Variants in MALRD1 observed in about 807,000 individuals in gnomAD.
The protein encoded by MALRD1 is MAM and LDL-receptor class A domain-containing protein 1.
MALRD1 carries 247 observed loss-of-function variants against 242.1 expected under a neutral mutation model. The observed-to-expected ratio is 1.02, with a 90% CI of 0.92 to 1.13. The LOEUF is 1.13. MALRD1 is among the 50% of genes most tolerant of loss of function. The pLI is 0.00. For missense variants in MALRD1, 2,989 were observed against 2,533.1 expected, an observed-to-expected ratio of 1.18 and a Z score of -3.86; for synonymous variants, 995 against 866.6, an observed-to-expected ratio of 1.15 and a Z score of -2.60.
At chr10:19,177,914 A>G (rs1377952309) in intron 14 of MALRD1, among the ~76,000 whole-genome samples, 1 of 152,062 alleles carries the variant, frequency 6.6e-6, no homozygotes, top group Non-Finnish European at 1.5e-5. Context: ...TTCAGGCAAG[A>G]TAAGCCAGAT....
chr10:19,623,853 C>T (rs1198022218), intron 36 of MALRD1, among the ~76,000 whole-genome samples: 1 of 151,998 alleles, frequency 6.6e-6, no homozygotes, highest in Non-Finnish European at 1.5e-5. Flanking sequence ...CTCACAGACA[C>T]TCAGAAATAA....
At chr10:19,319,621 A>T (rs1291280480) in intron 21 of MALRD1, among the ~76,000 whole-genome samples, 1 of 152,064 alleles carries the variant, frequency 6.6e-6, no homozygotes, top group African/African-American at 2.4e-5. Flanking sequence ...GGCTTGGATC[A>T]TGGTGCTGGC....
chr10:19,272,662 T>G (rs931831967), intron 19 of MALRD1, among the ~76,000 whole-genome samples: 30 of 152,264 alleles, frequency 2.0e-4, no homozygotes. Context: ...TAGGTATTTG[T>G]CCTAATGCTA....
intron 4 of MALRD1, among the ~76,000 whole-genome samples, chr10:19,103,102 G>A (rs1836327136): frequency 6.6e-6 from 1 of 151,932 alleles, no homozygotes; most frequent in Admixed American, 6.6e-5. Flanking sequence ...ACCTGCCTCA[G>A]CCTCCCAAAG....
chr10:19,613,329 G>A (rs931881899), intron 35 of MALRD1, among the ~76,000 whole-genome samples: 7 of 151,830 alleles, frequency 4.6e-5, no homozygotes, highest in African/African-American at 7.3e-5. Context: ...CTTCTACTTC[G>A]ATGCCCCTTA....
intron 13 of MALRD1, among the ~76,000 whole-genome samples, chr10:19,167,402 C>T (rs913393294): frequency 2.6e-5 from 4 of 151,910 alleles, no homozygotes; most frequent in South Asian, 2.1e-4. Flanking sequence ...GGGAAGTTAC[C>T]GAAGCCCTCT....
intron 34 of MALRD1, among the ~76,000 whole-genome samples, chr10:19,602,918 G>A (rs561277664): frequency 6.6e-6 from 1 of 152,082 alleles, no homozygotes; most frequent in Non-Finnish European, 1.5e-5. Flanking sequence ...TCTCATTGTG[G>A]TTTTGATTTG....
Position 19,343,643 on chromosome 10 carries a change from T to A in MALRD1, c.3902-4128T>A, listed in dbSNP as rs552048162. Among the ~76,000 whole-genome samples the A allele has an allele frequency of 2.0e-5, 3 of 152,226 alleles. No individual in the cohort carries two copies. In the South Asian group the frequency reaches 6.2e-4, roughly 32 times the overall value. On this transcript the variant is annotated intron_variant, in intron 24 of 39. Coordinates refer to ENST00000454679, the MANE Select transcript of MALRD1 (RefSeq NM_001142308.3). ...AAAGATCTTCTTTCTCTCAGCATCA[T>A]CCTCTTGAGATCCATCAAAATTGTT...
chr10:19,651,604 T>C (rs550991373), intron 36 of MALRD1, among the ~76,000 whole-genome samples: 1 of 152,250 alleles, frequency 6.6e-6, no homozygotes, highest in South Asian at 2.1e-4. Flanking sequence ...TACAAGGACC[T>C]GGGATCAGAT....
intron 21 of MALRD1, among the ~76,000 whole-genome samples, chr10:19,321,576 A>T (rs1842916881): frequency 6.6e-6 from 1 of 152,200 alleles, no homozygotes; most frequent in African/African-American, 2.4e-5. Flanking sequence ...AGATCTAATC[A>T]GCATACCTGG....
At chr10:19,103,551 CA>C (rs61433069) in intron 4 of MALRD1, among the ~76,000 whole-genome samples, 148 of 109,662 alleles carry the variant, frequency 1.3e-3, no homozygotes, top group South Asian at 7.6e-3. Context: ...GACTCCGTCT[CA>C]AAAAAAAAAA....
intron 18 of MALRD1, among the ~76,000 whole-genome samples, chr10:19,235,063 A>ACT (rs1347630226): frequency 3.3e-5 from 5 of 152,194 alleles, no homozygotes; most frequent in African/African-American, 1.2e-4. Context: ...CTAGACCAGT[A>ACT]GCCAGATCAA....
chr10:19,479,699 A>G (rs1481519232), intron 29 of MALRD1, among the ~76,000 whole-genome samples: 2 of 152,334 alleles, frequency 1.3e-5, no homozygotes, highest in Middle Eastern at 3.4e-3. Context: ...CCAAAAAAAC[A>G]TAATCCAGGA....
At chr10:19,678,710 C>T (rs1331880594) in intron 36 of MALRD1, among the ~76,000 whole-genome samples, 1 of 152,188 alleles carries the variant, frequency 6.6e-6, no homozygotes, top group Non-Finnish European at 1.5e-5. Flanking sequence ...TGAAAGAGGA[C>T]ATCCTTGTCT....
intron 9 of MALRD1, among the ~76,000 whole-genome samples, 185 bp downstream of exon 9, chr10:19,134,133 A>G (rs75396835): frequency 6.6e-6 from 1 of 152,094 alleles, no homozygotes; most frequent in Non-Finnish European, 1.5e-5. Context: ...CAAATTTCCC[A>G]TGGCGGGGGA....
chr10:19,322,976 T>C (rs1023716012), intron 21 of MALRD1, among the ~76,000 whole-genome samples: 1 of 152,202 alleles, frequency 6.6e-6, no homozygotes, highest in Non-Finnish European at 1.5e-5. Context: ...ATGACTTTAA[T>C]GTTTTATTCT....
At chr10:19,610,191 A>G (rs977476073) in intron 35 of MALRD1, among the ~76,000 whole-genome samples, 2 of 151,914 alleles carry the variant, frequency 1.3e-5, no homozygotes, top group Non-Finnish European at 2.9e-5. Flanking sequence ...TAGCTTATCC[A>G]TCACCTCATG....
intron 36 of MALRD1, among the ~76,000 whole-genome samples, chr10:19,622,246 G>GTTAA (rs1839437126): frequency 6.6e-6 from 1 of 151,534 alleles, no homozygotes; most frequent in African/African-American, 2.4e-5. Context: ...ATTGATAAAA[G>GTTAA]TTAATTCAAA....
intron 27 of MALRD1, chr10:19,389,064 A>G: frequency 2.9e-6 from 1 of 350,808 alleles, no homozygotes; most frequent in Non-Finnish European, 5.6e-6. Flanking sequence ...CACACTCAAG[A>G]GATGACTAAA....
Sources: gnomAD v4.1 joint callset for allele counts (sites outside exome capture counted in the v4.1 genomes callset) on GRCh38, gnomAD v4.1.1 for gene constraint, MANE v1.5 for transcripts, NCBI Gene and HGNC (gene_info 2026-07-23, HGNC 2026-07-21) for gene names.